The following FRYL variants were observed in gnomAD, a reference collection of about 807,000 sequenced individuals.
FRYL encodes FRY like transcription coactivator, also known as protein furry homolog-like.
FRYL carries 150 observed loss-of-function variants against 351.2 expected under a neutral mutation model. That is an observed-to-expected ratio of 0.43 (90% CI 0.37 to 0.49). The LOEUF (loss-of-function observed/expected upper bound fraction) is 0.49. Among genes scored for constraint, FRYL ranks in the 20% least tolerant of loss-of-function variants. FRYL has a pLI of 0.00. For synonymous variants in FRYL, 1,153 were observed against 1,257.1 expected (o/e 0.92, Z 1.75); for missense variants, 3,036 against 3,619.3 (o/e 0.84, Z 4.13).
At chr4:48,775,547 G>A (rs1261267395) in intron 1 of FRYL, among the ~76,000 whole-genome samples, 1 of 152,156 alleles carries the variant, frequency 6.6e-6, no homozygotes, top group Non-Finnish European at 1.5e-5. Context: ...TGGAACAACA[G>A]ACTCTTCTCA....
intron 7 of FRYL, among the ~76,000 whole-genome samples, chr4:48,612,015 A>C (rs1357117330): frequency 6.6e-6 from 1 of 152,188 alleles, no homozygotes; most frequent in Non-Finnish European, 1.5e-5. Context: ...CATGCAGATT[A>C]TTTTGAGCTA....
chr4:48,721,574 T>A (rs1007419790), intron 1 of FRYL, among the ~76,000 whole-genome samples: 1 of 152,166 alleles, frequency 6.6e-6, no homozygotes, highest in Admixed American at 6.5e-5. Flanking sequence ...ACAACAAAAT[T>A]GTGTCTATGA....
intron 1 of FRYL, among the ~76,000 whole-genome samples, chr4:48,724,770 T>C (rs1370478112): frequency 6.6e-6 from 1 of 152,214 alleles, no homozygotes; most frequent in Non-Finnish European, 1.5e-5. Context: ...TAAATTTCCA[T>C]CGTGCTGCCT....
At chr4:48,563,561 T>A (rs190154457) in intron 31 of FRYL, among the ~76,000 whole-genome samples, 1 of 151,986 alleles carries the variant, frequency 6.6e-6, no homozygotes, top group Non-Finnish European at 1.5e-5. Context: ...AATTTAAAAA[T>A]TAGCCAGGCA....
intron 3 of FRYL, among the ~76,000 whole-genome samples, chr4:48,678,655 T>C (rs1210669577): frequency 2.6e-5 from 4 of 151,972 alleles, no homozygotes; most frequent in African/African-American, 4.8e-5. Context: ...TTTCCTGAGG[T>C]TGAATTTTTT....
intron 1 of FRYL, among the ~76,000 whole-genome samples, chr4:48,774,846 A>G (rs182408503): frequency 2.4e-3 from 369 of 152,312 alleles, no homozygotes; most frequent in African/African-American, 8.5e-3. Flanking sequence ...CGTCCAGCCA[A>G]TGATTTTTCA....
chr4:48,686,472 T>C (rs979359904), intron 2 of FRYL, among the ~76,000 whole-genome samples: 1 of 152,214 alleles, frequency 6.6e-6, no homozygotes, highest in African/African-American at 2.4e-5. Context: ...GATACTTTGC[T>C]TATCTTAGGT....
At chr4:48,688,788 A>G (rs1437602517) in intron 2 of FRYL, among the ~76,000 whole-genome samples, 1 of 149,758 alleles carries the variant, frequency 6.7e-6, no homozygotes, top group Non-Finnish European at 1.5e-5. Context: ...TCAGCTTCCC[A>G]AGTAGTTAGG....
At chr4:48,547,098 T>C (rs1731525769) in intron 41 of FRYL, among the ~76,000 whole-genome samples, 1 of 152,146 alleles carries the variant, frequency 6.6e-6, no homozygotes, top group African/African-American at 2.4e-5. Flanking sequence ...AAAATATACC[T>C]TAAAAGTAAA....
intron 26 of FRYL, chr4:48,571,799 T>C (rs1738387594): frequency 5.1e-6 from 5 of 983,256 alleles, no homozygotes; most frequent in Non-Finnish European, 6.0e-6. Flanking sequence ...GTTGGCCTGT[T>C]TTCATTTTGT....
intron 33 of FRYL, among the ~76,000 whole-genome samples, chr4:48,559,971 G>A (rs1288404865): frequency 1.3e-5 from 2 of 152,138 alleles, no homozygotes; most frequent in African/African-American, 4.8e-5. Context: ...CTACAGAAAG[G>A]AAATTGATAC....
Position 48,527,546 on chromosome 4 carries a change from A to G in FRYL, c.7248T>C (p.Asn2416=), listed in dbSNP as rs769617907. The change falls in exon 53 of 64, where the codon AAT becomes AAC. Residue 2416 remains asparagine (N), a synonymous_variant. Coordinates refer to ENST00000358350, the MANE Select transcript of FRYL (RefSeq NM_015030.2). ...AAACACCAAACTGTTGTTCACTGCT[A>G]TTATCTTCCACAGCTACTTCTTCCT... ...NQEEEVAVED[N]SSEQQFGVFK... is the part of the protein sequence containing the mutation. 2.5e-6 allele frequency: 4 copies of G among 1,613,224 alleles called. No individual in the cohort carries two copies. The highest frequency in any genetic ancestry group is 3.4e-6 in the Non-Finnish European group (4 of 1,179,506).
At chr4:48,623,258 C>T (rs576754566) in intron 4 of FRYL, 79 bp from the exon 5 acceptor site, 28 of 866,182 alleles carry the variant, frequency 3.2e-5, no homozygotes, top group Non-Finnish European at 4.5e-5. Flanking sequence ...ACATAATAAA[C>T]AGTTTAGATT....
chr4:48,525,163 GTATATATATATATATA>G (rs57457069), intron 53 of FRYL, among the ~76,000 whole-genome samples: 61,936 of 139,994 alleles, frequency 0.44, 14,705 homozygotes, highest in Admixed American at 0.58. Flanking sequence ...ATTTTTAAAG[GTATATATATATATATA>G]TATATATATA....
intron 1 of FRYL, among the ~76,000 whole-genome samples, chr4:48,718,893 C>T (rs1199151080): frequency 6.6e-6 from 1 of 151,494 alleles, no homozygotes; most frequent in Non-Finnish European, 1.5e-5. Flanking sequence ...ATAGACTCCT[C>T]CCTTCCACTT....
chr4:48,597,633 CA>C, intron 13 of FRYL, among the ~76,000 whole-genome samples: 1 of 152,088 alleles, frequency 6.6e-6, no homozygotes. Context: ...CATGAAATAA[CA>C]CTTTCATATT....
In FRYL at chr4:48,557,017, G is replaced by A. The variant is rs372655202; in HGVS notation, c.4227C>T (p.Ser1409=). The A allele has an allele frequency of 1.2e-6, 2 of 1,607,590 alleles. No homozygotes were observed. The highest frequency in any genetic ancestry group is 1.7e-6 in the Non-Finnish European group (2 of 1,176,686). Residue 1409 remains serine (S), a synonymous_variant, in exon 35 of 64, where the codon AGC becomes AGT. Coordinates refer to ENST00000358350, the MANE Select transcript of FRYL (RefSeq NM_015030.2). Reference sequence around the variant, plus strand: ...TTGGTTCGCTATTCACCCCACAAATGCTGATCAAAAAGTGCAAAATTATTT... The same window carrying A: ...TTGGTTCGCTATTCACCCCACAAATACTGATCAAAAAGTGCAAAATTATTT... ...NLKIILHFLI[S]ICGVNSEPSL...
intron 3 of FRYL, among the ~76,000 whole-genome samples, chr4:48,662,653 C>T (rs1760982497): frequency 6.6e-6 from 1 of 150,678 alleles, no homozygotes; most frequent in African/African-American, 2.4e-5. Flanking sequence ...TTAGCCAGCA[C>T]AGTGGCGCGT....
chr4:48,575,907 T>A (rs779527765), intron 24 of FRYL, 123 bp downstream of exon 24: 16 of 761,554 alleles, frequency 2.1e-5, no homozygotes, highest in Non-Finnish European at 2.8e-5. Context: ...ATTTTCCTTT[T>A]TGCAAGTAAG....
Sources: gnomAD v4.1 joint callset for allele counts (sites outside exome capture counted in the v4.1 genomes callset) on GRCh38, gnomAD v4.1.1 for gene constraint, MANE v1.5 for transcripts, NCBI Gene and HGNC (gene_info 2026-07-23, HGNC 2026-07-21) for gene names.